Variants in ASTN2 observed in about 807,000 individuals in gnomAD.
The protein encoded by ASTN2 is astrotactin 2.
In ASTN2, 54 loss-of-function variants were observed where a neutral mutation model predicts 139.8. The observed-to-expected ratio is 0.39, with a 90% CI of 0.31 to 0.48. The LOEUF is 0.48. Ranked by LOEUF, ASTN2 falls within the 20% of genes least tolerant of loss-of-function variation. The probability of loss-of-function intolerance (pLI) is 0.95; values close to 1 mark genes in which losing one functional copy is unlikely to be tolerated. For missense variants in ASTN2, 1,565 were observed against 1,725.1 expected, an observed-to-expected ratio of 0.91 and a Z score of 1.64; for synonymous variants, 756 against 719.5, an observed-to-expected ratio of 1.05 and a Z score of -0.81.
intron 4 of ASTN2, among the ~76,000 whole-genome samples, chr9:117,101,040 G>A (rs767882235): frequency 3.9e-5 from 6 of 152,222 alleles, no homozygotes; most frequent in Non-Finnish European, 5.9e-5. Flanking sequence ...ATTGGGAAAA[G>A]AGTATGCTGC....
At chr9:116,981,262 A>T (rs1928996) in intron 7 of ASTN2, among the ~76,000 whole-genome samples, 148,177 of 152,264 alleles carry the variant, frequency 0.97, 72,225 homozygotes, top group East Asian at 1. Flanking sequence ...AGGCAACTCA[A>T]TTATTGAATG....
rs1828665537 is a variant in ASTN2 at position 117,089,976 on chromosome 9, G to T, written c.1276+6068C>A. ...GACAGAATGATCATATATGATATGGGGTTAGACTTATTTTCACAGAGCATG... is the reference window on the plus strand; with the variant it reads ...GACAGAATGATCATATATGATATGGTGTTAGACTTATTTTCACAGAGCATG... On this transcript the variant is annotated intron_variant, in intron 5 of 22. Coordinates refer to ENST00000313400, the MANE Select transcript of ASTN2 (RefSeq NM_001365068.1). Among the ~76,000 whole-genome samples the T allele has an allele frequency of 2.6e-5, 4 of 152,124 alleles. No homozygotes were observed. In the South Asian group the frequency reaches 8.3e-4, roughly 32 times the overall value.
intron 19 of ASTN2, among the ~76,000 whole-genome samples, chr9:116,555,926 C>A (rs1327436400): frequency 2.6e-5 from 4 of 152,098 alleles, no homozygotes; most frequent in Admixed American, 2.6e-4. Flanking sequence ...AGTATACTGA[C>A]CCATCATTTG....
intron 3 of ASTN2, among the ~76,000 whole-genome samples, chr9:117,161,086 T>A (rs1830540437): frequency 6.6e-6 from 1 of 152,012 alleles, no homozygotes; most frequent in South Asian, 2.1e-4. Flanking sequence ...TGTAATTGGT[T>A]TAATAATATA....
intron 7 of ASTN2, among the ~76,000 whole-genome samples, chr9:116,987,826 C>T (rs1055385304): frequency 6.6e-6 from 1 of 152,126 alleles, no homozygotes; most frequent in Non-Finnish European, 1.5e-5. Flanking sequence ...AGTAAAATAA[C>T]GATTATCCAA....
intron 13 of ASTN2, among the ~76,000 whole-genome samples, chr9:116,764,101 G>A (rs578040666): frequency 3.3e-5 from 5 of 152,302 alleles, no homozygotes; most frequent in African/African-American, 1.2e-4. Context: ...GCTGACCAGA[G>A]AAATCACATG....
chr9:117,217,720 G>T (rs4266720), intron 2 of ASTN2, among the ~76,000 whole-genome samples: 150,810 of 152,328 alleles, frequency 0.99, 74,666 homozygotes, highest in Middle Eastern at 1. Context: ...TTTAATATAG[G>T]GTAGGGGCAC....
chr9:116,829,344 A>C (rs1027754186), intron 11 of ASTN2, among the ~76,000 whole-genome samples: 2 of 151,372 alleles, frequency 1.3e-5, no homozygotes, highest in African/African-American at 4.9e-5. Flanking sequence ...GAACCCAGAA[A>C]TAAAGCCACA....
intron 19 of ASTN2, among the ~76,000 whole-genome samples, chr9:116,607,200 G>A (rs774695209): frequency 2.0e-5 from 3 of 152,140 alleles, no homozygotes; most frequent in Non-Finnish European, 4.4e-5. Context: ...ATGCAGAGTC[G>A]AAAAGTTAAG....
chr9:117,047,859 A>G (rs1386776537), intron 5 of ASTN2, among the ~76,000 whole-genome samples: 1 of 152,126 alleles, frequency 6.6e-6, no homozygotes, highest in Non-Finnish European at 1.5e-5. Flanking sequence ...TATTATTATT[A>G]TCATCATCAT....
At chr9:116,761,454 G>A (rs1203618337) in intron 13 of ASTN2, among the ~76,000 whole-genome samples, 5 of 152,132 alleles carry the variant, frequency 3.3e-5, no homozygotes, top group Non-Finnish European at 4.4e-5. Flanking sequence ...AGCCTTTCAC[G>A]GAAAGAGGTG....
chr9:117,120,513 G>A (rs1829531142), intron 4 of ASTN2, among the ~76,000 whole-genome samples: 1 of 152,164 alleles, frequency 6.6e-6, no homozygotes, highest in African/African-American at 2.4e-5. Flanking sequence ...TTGAGTACAA[G>A]TTGACAGTGA....
At chr9:117,392,799 G>A (rs546640677) in intron 1 of ASTN2, among the ~76,000 whole-genome samples, 1 of 152,292 alleles carries the variant, frequency 6.6e-6, no homozygotes, top group Admixed American at 6.5e-5. Context: ...AGAAAGAGCT[G>A]GTGATGAATA....
At chr9:117,180,476 T>C (rs964746650) in intron 3 of ASTN2, among the ~76,000 whole-genome samples, 1 of 152,168 alleles carries the variant, frequency 6.6e-6, no homozygotes, top group Non-Finnish European at 1.5e-5. Flanking sequence ...TTGAGGGAAG[T>C]TCTCATCCAC....
rs184882452 is a variant in ASTN2, at chr9:117,056,856, G to A, written c.1277-16891C>T. On this transcript the variant is annotated intron_variant, in intron 5 of 22. Transcript: ENST00000313400. Reference sequence around the variant, plus strand: ...AACAGCTAAGAACATGATTAGAGTCGCACAGGGCTAAGAGTAAGCAACAGA... The same window carrying A: ...AACAGCTAAGAACATGATTAGAGTCACACAGGGCTAAGAGTAAGCAACAGA... Among the ~76,000 whole-genome samples, 21 of 152,310 alleles carry A rather than the reference G, an allele frequency of 1.4e-4. No homozygotes were observed. The East Asian group carries it at 1.5e-3, about 11-fold the overall frequency.
At chr9:117,175,478 G>A (rs1423575652) in intron 3 of ASTN2, among the ~76,000 whole-genome samples, 1 of 152,068 alleles carries the variant, frequency 6.6e-6, no homozygotes, top group African/African-American at 2.4e-5. Context: ...GAGAAAAATA[G>A]CTAAGACATT....
intron 19 of ASTN2, among the ~76,000 whole-genome samples, chr9:116,577,682 T>C (rs1853776923): frequency 2.0e-5 from 3 of 152,218 alleles, no homozygotes; most frequent in Admixed American, 2.0e-4. Flanking sequence ...TTATGCCAAG[T>C]GCTGAACAAG....
intron 10 of ASTN2, among the ~76,000 whole-genome samples, chr9:116,937,532 T>G (rs1835113926): frequency 6.6e-6 from 1 of 152,236 alleles, no homozygotes; most frequent in African/African-American, 2.4e-5. Context: ...ACTTGTATTC[T>G]CTACTGCCTA....
At chr9:117,249,496 G>A (rs1396665860) in intron 2 of ASTN2, among the ~76,000 whole-genome samples, 1 of 152,094 alleles carries the variant, frequency 6.6e-6, no homozygotes, top group Non-Finnish European at 1.5e-5. Context: ...TTTTGTAGCA[G>A]AACCCTTTGT....
Sources: gnomAD v4.1 joint callset for allele counts (sites outside exome capture counted in the v4.1 genomes callset) on GRCh38, gnomAD v4.1.1 for gene constraint, MANE v1.5 for transcripts, NCBI Gene and HGNC (gene_info 2026-07-23, HGNC 2026-07-21) for gene names.